The following APBA1 variants were observed in gnomAD, a reference collection of about 807,000 sequenced individuals.
The protein encoded by APBA1 is amyloid beta precursor protein binding family A member 1, also known as amyloid-beta A4 precursor protein-binding family A member 1.
APBA1 carries 55 observed loss-of-function variants against 86.6 expected under a neutral mutation model. That is an observed-to-expected ratio of 0.64 (90% CI 0.51 to 0.80). The LOEUF is 0.80. Among genes scored for constraint, APBA1 ranks in the 30% least tolerant of loss-of-function variants. APBA1 has a pLI of 0.00. For missense variants in APBA1, 1,090 were observed against 1,183.0 expected, an observed-to-expected ratio of 0.92 and a Z score of 1.15; for synonymous variants, 511 against 493.9, an observed-to-expected ratio of 1.03 and a Z score of -0.46.
chr9:69,667,026 G>T (rs754052693), intron 1 of APBA1, among the ~76,000 whole-genome samples: 1 of 152,024 alleles, frequency 6.6e-6, no homozygotes, highest in Middle Eastern at 3.2e-3. Flanking sequence ...TTACATGTAC[G>T]TCACTGTAAA....
chr9:69,657,619 G>A (rs565805323), intron 1 of APBA1, among the ~76,000 whole-genome samples: 3 of 152,278 alleles, frequency 2.0e-5, no homozygotes, highest in Admixed American at 1.3e-4. Context: ...CACTTTGCTA[G>A]ATAATACTTA....
intron 3 of APBA1, among the ~76,000 whole-genome samples, chr9:69,471,935 G>A (rs1294759290): frequency 6.6e-6 from 1 of 151,898 alleles, no homozygotes; most frequent in East Asian, 2.0e-4. Context: ...TTCACAATCA[G>A]AGAGGTATTT....
chr9:69,569,869 T>G (rs548780305), intron 1 of APBA1, among the ~76,000 whole-genome samples: 5 of 152,328 alleles, frequency 3.3e-5, no homozygotes, highest in African/African-American at 1.2e-4. Context: ...CAGCCTGAAT[T>G]AAGCTCCACA....
In APBA1 at chr9:69,449,565, T is replaced by C; in HGVS notation, c.2181+19A>G. 6.2e-7 allele frequency: 1 copy of C among 1,606,386 alleles called. No homozygotes were observed. The highest frequency in any genetic ancestry group is 8.5e-7 in the Non-Finnish European group (1 of 1,173,894). On this transcript the variant is annotated intron_variant, in intron 10 of 12. Transcript: ENST00000265381. Reference sequence around the variant, plus strand: ...CTTGAGGTTTACCACATCAACTGATTTTTCCCATATTCAGGTACCTTAATA... The same window carrying C: ...CTTGAGGTTTACCACATCAACTGATCTTTCCCATATTCAGGTACCTTAATA...
chr9:69,536,724 A>T (rs1836517327), intron 1 of APBA1, among the ~76,000 whole-genome samples: 1 of 149,266 alleles, frequency 6.7e-6, no homozygotes, highest in Non-Finnish European at 1.5e-5. Flanking sequence ...AAAAAAAAAA[A>T]AAAAAATTAG....
intron 1 of APBA1, among the ~76,000 whole-genome samples, chr9:69,615,500 C>T (rs1419971430): frequency 2.0e-5 from 3 of 152,130 alleles, no homozygotes; most frequent in Admixed American, 6.5e-5. Context: ...CAAGGGTTCC[C>T]AGCCTTAGAG....
chr9:69,437,040 G>A (rs1834737508), intron 11 of APBA1, among the ~76,000 whole-genome samples: 1 of 151,348 alleles, frequency 6.6e-6, no homozygotes, highest in Non-Finnish European at 1.5e-5. Flanking sequence ...ATAATCATAT[G>A]GTTTTTGTCT....
rs772765411 is a variant in APBA1, at chr9:69,516,235, C to T, written c.976G>A (p.Val326Met). 3.9e-5 allele frequency: 56 copies of T among 1,445,392 alleles called. No homozygotes were observed. The highest frequency in any genetic ancestry group is 2.3e-4 in the South Asian group (16 of 69,538). 89.5% of individuals were successfully genotyped at this position (1,445,392 alleles called of 1,614,324 possible). Residue 326 changes from valine to methionine, a missense_variant, in exon 2 of 13, where the codon GTG becomes ATG. Physicochemically the swap from Val to Met is conservative, Grantham distance 21. Coordinates refer to ENST00000265381, the MANE Select transcript of APBA1 (RefSeq NM_001163.4). The surrounding 1 kb of genome is among the most constrained non-coding windows in gnomAD (Gnocchi z 7.3). Reference protein sequence around the residue: ...LQAPAGQQRAVGPAGGGEAGQ... With the variant: ...LQAPAGQQRAMGPAGGGEAGQ... Reference sequence around the variant, plus strand: ...GCCTCGCCGCCGCCCGCGGGGCCCACCGCCCGCTGCTGCCCCGCCGGCGCC... The same window carrying T: ...GCCTCGCCGCCGCCCGCGGGGCCCATCGCCCGCTGCTGCCCCGCCGGCGCC...
intron 1 of APBA1, among the ~76,000 whole-genome samples, chr9:69,563,252 C>T (rs1442671676): frequency 1.3e-5 from 2 of 152,196 alleles, no homozygotes; most frequent in African/African-American, 2.4e-5. Flanking sequence ...ATATCCCTAA[C>T]CAACTTGTCA....
intron 2 of APBA1, chr9:69,494,417 T>A (rs1835762986): frequency 6.6e-6 from 1 of 152,064 alleles, no homozygotes; most frequent in Non-Finnish European, 1.5e-5. Context: ...GATGTCATCA[T>A]CCGAGGCCAC....
intron 2 of APBA1, among the ~76,000 whole-genome samples, chr9:69,493,457 C>T (rs1835745222): frequency 6.6e-6 from 1 of 152,018 alleles, no homozygotes; most frequent in African/African-American, 2.4e-5. Flanking sequence ...CTTCTTAGAT[C>T]TCTTAAGGGA....
intron 1 of APBA1, among the ~76,000 whole-genome samples, chr9:69,611,304 A>AAAAAAAAAAAAAC (rs1822584133): frequency 7.1e-6 from 1 of 141,720 alleles, no homozygotes. Flanking sequence ...AAAAAAAAAA[A>AAAAAAAAAAAAAC]CAAAAAAAAA....
At chr9:69,596,619 C>T (rs1358814767) in intron 1 of APBA1, among the ~76,000 whole-genome samples, 1 of 152,234 alleles carries the variant, frequency 6.6e-6, no homozygotes, top group Non-Finnish European at 1.5e-5. Flanking sequence ...GGGTGCACAT[C>T]ATCCTTTAAG....
intron 2 of APBA1, among the ~76,000 whole-genome samples, chr9:69,511,693 A>C (rs1015387729): frequency 3.0e-4 from 46 of 152,202 alleles, no homozygotes; most frequent in African/African-American, 1.1e-3. Context: ...ACAATGACAG[A>C]CTGGATTAAG....
At chr9:69,457,893 C>T (rs193272856) in intron 6 of APBA1, among the ~76,000 whole-genome samples, 15 of 152,300 alleles carry the variant, frequency 9.8e-5, no homozygotes, top group African/African-American at 3.6e-4. Flanking sequence ...TTGGAACTTC[C>T]ATACTACTAT....
At chr9:69,491,240 T>G (rs1402275520) in intron 2 of APBA1, among the ~76,000 whole-genome samples, 1 of 152,006 alleles carries the variant, frequency 6.6e-6, no homozygotes, top group African/African-American at 2.4e-5. Context: ...ATTAAGAAAA[T>G]GTGGCACATA....
At chr9:69,619,344 T>C (rs765990579) in intron 1 of APBA1, among the ~76,000 whole-genome samples, 26 of 152,318 alleles carry the variant, frequency 1.7e-4, no homozygotes, top group Non-Finnish European at 3.1e-4. Context: ...TCTTTGTAAA[T>C]TAGGGAAGGA....
chr9:69,575,413 A>G (rs1821773564), intron 1 of APBA1, among the ~76,000 whole-genome samples: 1 of 152,202 alleles, frequency 6.6e-6, no homozygotes, highest in African/African-American at 2.4e-5. Context: ...ATCCTAAGCC[A>G]ACAGAACAAA....
intron 1 of APBA1, among the ~76,000 whole-genome samples, chr9:69,566,566 C>T (rs12000827): frequency 0.061 from 9,272 of 152,240 alleles, 349 homozygotes; most frequent in African/African-American, 0.094. Context: ...TCAATGATTT[C>T]GCATCTCAGA....
Sources: allele counts gnomAD v4.1 joint callset (sites outside exome capture counted in the v4.1 genomes callset), GRCh38; gene constraint gnomAD v4.1.1; non-coding constraint Gnocchi (gnomAD v3.1); transcripts MANE v1.5; gene names NCBI Gene and HGNC (gene_info 2026-07-23, HGNC 2026-07-21).